The following PRKG1 variants were observed in gnomAD, a reference collection of about 807,000 sequenced individuals.
The protein encoded by PRKG1 is protein kinase cGMP-dependent 1, also known as cGMP-dependent protein kinase 1.
PRKG1 carries 35 observed loss-of-function variants against 88.1 expected under a neutral mutation model. That is an observed-to-expected ratio of 0.40 (90% CI 0.30 to 0.53). The LOEUF is 0.53. PRKG1 is among the 20% of genes least tolerant of loss of function. The pLI is 0.59. For synonymous variants in PRKG1, 303 were observed against 292.5 expected, an observed-to-expected ratio of 1.04 and a Z score of -0.37; for missense variants, 540 against 839.8, an observed-to-expected ratio of 0.64 and a Z score of 4.41.
At chr10:51,998,812 T>C (rs1438079780) in intron 5 of PRKG1, among the ~76,000 whole-genome samples, 2 of 152,200 alleles carry the variant, frequency 1.3e-5, no homozygotes, top group East Asian at 3.9e-4. Context: ...TGACTTTCCC[T>C]TCCCTTTAGA....
At chr10:52,091,003 G>A (rs756345748) in intron 7 of PRKG1, among the ~76,000 whole-genome samples, 19 of 151,914 alleles carry the variant, frequency 1.3e-4, no homozygotes, top group African/African-American at 4.6e-4. Context: ...CATGAGTTTC[G>A]AGGACTGAAA....
intron 4 of PRKG1, among the ~76,000 whole-genome samples, chr10:51,839,729 C>T (rs1251447126): frequency 6.6e-6 from 1 of 152,106 alleles, no homozygotes; most frequent in East Asian, 1.9e-4. Flanking sequence ...AGAAGCATGC[C>T]TTCCTATGGA....
chr10:51,370,804 T>G (rs12766318), intron 2 of PRKG1, among the ~76,000 whole-genome samples: 52,331 of 151,842 alleles, frequency 0.34, 10,603 homozygotes, highest in South Asian at 0.52. Flanking sequence ...TTTTTCACAT[T>G]AAGTCTTAGA....
chr10:51,325,391 G>A (rs1246362843), intron 2 of PRKG1, among the ~76,000 whole-genome samples: 1 of 152,088 alleles, frequency 6.6e-6, no homozygotes, highest in Non-Finnish European at 1.5e-5. Flanking sequence ...TAGAGACGCA[G>A]TTTCACCATG....
intron 14 of PRKG1, among the ~76,000 whole-genome samples, chr10:52,285,029 T>C (rs1842084150): frequency 6.6e-6 from 1 of 152,026 alleles, no homozygotes; most frequent in Admixed American, 6.6e-5. Flanking sequence ...CCTCCAACTT[T>C]CCCTGTTCTA....
intron 3 of PRKG1, among the ~76,000 whole-genome samples, chr10:51,692,403 C>G (rs1490769179): frequency 6.6e-6 from 1 of 151,994 alleles, no homozygotes; most frequent in East Asian, 1.9e-4. Context: ...CCACCACGCC[C>G]CTGGCTAATT....
intron 9 of PRKG1, chr10:52,230,927 A>G (rs979032902): frequency 1.3e-5 from 2 of 152,208 alleles, no homozygotes; most frequent in Non-Finnish European, 2.9e-5. Flanking sequence ...TTATGCCTTA[A>G]TTGGTTGGAA....
chr10:51,796,053 G>A (rs1013458423), intron 3 of PRKG1, among the ~76,000 whole-genome samples: 11 of 151,960 alleles, frequency 7.2e-5, no homozygotes, highest in African/African-American at 2.2e-4. Context: ...AGATTATGAC[G>A]GTCTGTGGTG....
At chr10:51,189,426 G>A (rs1185707111) in intron 2 of PRKG1, among the ~76,000 whole-genome samples, 1 of 151,834 alleles carries the variant, frequency 6.6e-6, no homozygotes, top group Non-Finnish European at 1.5e-5. Context: ...AGGTATTTTA[G>A]CCATTTTGCT....
In PRKG1 at chr10:51,940,387, A is replaced by G. The variant is rs143314308; in HGVS notation, c.762+32817A>G. The stretch of plus-strand genomic sequence containing the variant: ...GGAAACGTACTTTTCTCCAAAGGTT[A>G]ATCCTGGCTGCTCTTAAATAACTCT... On this transcript the variant is annotated intron_variant, in intron 5 of 17. Coordinates refer to ENST00000373980, the MANE Select transcript of PRKG1 (RefSeq NM_006258.4). Among the ~76,000 whole-genome samples, 574 of 152,014 alleles carry G rather than the reference A, an allele frequency of 3.8e-3. 2 individuals carry two copies. The highest frequency in any genetic ancestry group is 6.1e-3 in the Admixed American group (93 of 15,248).
intron 9 of PRKG1, among the ~76,000 whole-genome samples, chr10:52,218,370 G>A (rs1360898027): frequency 1.3e-5 from 2 of 151,990 alleles, no homozygotes; most frequent in Non-Finnish European, 2.9e-5. Flanking sequence ...CATATAGAGA[G>A]ACAGAATCCA....
intron 10 of PRKG1, among the ~76,000 whole-genome samples, chr10:52,266,959 T>C (rs1841586415): frequency 6.6e-6 from 1 of 151,998 alleles, no homozygotes; most frequent in African/African-American, 2.4e-5. Context: ...AAGAAAAATA[T>C]GCACTCCTGT....
intron 2 of PRKG1, among the ~76,000 whole-genome samples, chr10:51,418,406 G>A (rs1263543101): frequency 6.6e-6 from 1 of 152,154 alleles, no homozygotes; most frequent in African/African-American, 2.4e-5. Context: ...GTATAATTGA[G>A]CCTATGGGCA....
chr10:51,818,904 G>A (rs1839664839), intron 4 of PRKG1, among the ~76,000 whole-genome samples: 1 of 127,162 alleles, frequency 7.9e-6, no homozygotes, highest in Non-Finnish European at 1.6e-5. Flanking sequence ...CTACTTGGGA[G>A]GCTGAGGCAG....
intron 2 of PRKG1, among the ~76,000 whole-genome samples, chr10:51,156,617 C>T (rs562730077): frequency 1.3e-5 from 2 of 152,066 alleles, no homozygotes; most frequent in South Asian, 4.1e-4. Context: ...AATAAAATGA[C>T]TACAATTTTA....
At chr10:51,856,148 A>G (rs937820229) in intron 4 of PRKG1, among the ~76,000 whole-genome samples, 8 of 152,128 alleles carry the variant, frequency 5.3e-5, no homozygotes, top group African/African-American at 1.9e-4. Context: ...CTTCTCTCCC[A>G]TAAGGACCCT....
At chr10:51,147,033 TCGGTCAGTCACAGAAATATAAATA>T (rs1194982916) in intron 1 of PRKG1, among the ~76,000 whole-genome samples, 3 of 152,248 alleles carry the variant, frequency 2.0e-5, no homozygotes, top group Middle Eastern at 6.8e-3. Context: ...TTAAGTGAAA[TCGGTCAGTCACAGAAATATAAATA>T]CTGCATGTTC....
chr10:51,896,205 A>G (rs1029383295), intron 4 of PRKG1, among the ~76,000 whole-genome samples: 2 of 152,154 alleles, frequency 1.3e-5, no homozygotes, highest in African/African-American at 4.8e-5. Flanking sequence ...TTCATATCTG[A>G]TGTACTAGAA....
Position 51,381,256 on chromosome 10 carries a change from T to TAAAAAAAA in PRKG1, c.479-86430_479-86423dup, listed in dbSNP as rs71029366. Among the ~76,000 whole-genome samples the TAAAAAAAA allele has an allele frequency of 9.7e-4, 31 of 32,052 alleles. 1 individual carries two copies. The highest frequency in any genetic ancestry group is 1.3e-3 in the Admixed American group (2 of 1,588). The allele number at this position is 32,052 out of a possible 152,430, so 21.0% of individuals were successfully genotyped here. ...TGGGCAACAGAGCAAGCCTCCATCTTAAAAAAAAAAAAAAAAAAAAAAAAA... is the reference window on the plus strand; with the variant it reads ...TGGGCAACAGAGCAAGCCTCCATCTTAAAAAAAAAAAAAAAAAAAAAAAAAAAAAAAAA... On this transcript the variant is annotated intron_variant, in intron 2 of 17. Coordinates refer to ENST00000373980, the MANE Select transcript of PRKG1 (RefSeq NM_006258.4).
Sources: gnomAD v4.1 joint callset for allele counts (sites outside exome capture counted in the v4.1 genomes callset) on GRCh38, gnomAD v4.1.1 for gene constraint, MANE v1.5 for transcripts, NCBI Gene and HGNC (gene_info 2026-07-23, HGNC 2026-07-21) for gene names.